Variants in DZIP3 observed in about 807,000 individuals in gnomAD.
DZIP3 encodes DAZ interacting zinc finger protein 3, also known as E3 ubiquitin-protein ligase DZIP3.
A neutral mutation model predicts 162.0 loss-of-function variants in DZIP3; 118 were observed. That is an observed-to-expected ratio of 0.73 (90% confidence interval 0.63 to 0.85). The LOEUF is 0.85. Among genes scored for constraint, DZIP3 ranks in the 40% least tolerant of loss-of-function variants. DZIP3 has a pLI of 0.00. For missense variants in DZIP3, 1,331 were observed against 1,407.0 expected (o/e 0.95, Z 0.86); for synonymous variants, 438 against 458.6 (o/e 0.96, Z 0.57).
At chr3:108,666,031 C>G (rs992179435) in intron 21 of DZIP3, among the ~76,000 whole-genome samples, 6 of 151,874 alleles carry the variant, frequency 4.0e-5, no homozygotes, top group African/African-American at 1.5e-4. Flanking sequence ...GAAAGAAGAC[C>G]ATCAGAATGA....
rs909694765 is a variant in DZIP3 at position 108,689,063 on chromosome 3, A to C, written c.3516+139A>C. On this transcript the variant is annotated intron_variant, in intron 31 of 32. Transcript: ENST00000361582. ...CTCTGAGCTTTTGGGTACCACACAG[A>C]AACATTTATGCTTTTCCCATACATA... 3 of 794,612 alleles carry C rather than the reference A, an allele frequency of 3.8e-6. No individual in the cohort carries two copies. The African/African-American group carries it at 5.2e-5, about 14-fold the overall frequency. 49.2% of individuals were successfully genotyped at this position (794,612 alleles called of 1,614,324 possible).
chr3:108,616,199 G>A lies in DZIP3; in HGVS notation c.259-342G>A, dbSNP rs183187064. 3.5e-3 allele frequency among the ~76,000 whole-genome samples: 535 copies of A among 152,114 alleles called. 3 individuals carry two copies. The highest frequency in any genetic ancestry group is 5.8e-3 in the Non-Finnish European group (393 of 68,012). ...GAATGGTGTGAACACGGGAGGCGGA[G>A]CTTGCAGTGAGCTGAGATTGCGCCA... is the stretch of plus-strand genomic sequence containing the variant. On this transcript the variant is annotated intron_variant, in intron 4 of 32. Transcript: ENST00000361582.
chr3:108,651,532 A>G (rs1343570086), intron 18 of DZIP3, among the ~76,000 whole-genome samples: 3 of 151,640 alleles, frequency 2.0e-5, no homozygotes, highest in African/African-American at 7.2e-5. Context: ...CTAGGTTTGT[A>G]GCCTAGGAGC....
chr3:108,644,369 G>T lies in DZIP3; in HGVS notation c.1347G>T (p.Trp449Cys), dbSNP rs765800447. 1 of 1,614,040 alleles carries T rather than the reference G, an allele frequency of 6.2e-7. No homozygotes were observed. Among genetic ancestry groups the T allele is most frequent in the Non-Finnish European group, 8.5e-7 (1 of 1,179,978 alleles). Residue 449 changes from tryptophan to cysteine, a missense_variant, in exon 14 of 33, where the codon TGG becomes TGT. Trp to Cys is a radical substitution (Grantham distance 215). Transcript: ENST00000361582. Reference sequence around the variant, plus strand: ...CCAATCATCCTTTGGGTGGATCATGGCATCTGCTTTATCCTCCTAACAAGG... The same window carrying T: ...CCAATCATCCTTTGGGTGGATCATGTCATCTGCTTTATCCTCCTAACAAGG... ...LWTNHPLGGS[W>C]HLLYPPNKEL...
chr3:108,669,021 T>G (rs1943808206), intron 21 of DZIP3, among the ~76,000 whole-genome samples: 1 of 151,990 alleles, frequency 6.6e-6, no homozygotes, highest in South Asian at 2.1e-4. Flanking sequence ...ATCTGGTATG[T>G]GAATATATGT....
In DZIP3 at chr3:108,662,195, G is replaced by A; in HGVS notation, c.2361G>A (p.Lys787=). Residue 787 remains lysine, a synonymous_variant, in exon 21 of 33, where the codon AAG becomes AAA. Transcript: ENST00000361582. Reference sequence around the variant, plus strand: ...AAGAAAACCAAATGCAGATTAAAAAGAAAGACAAAATTATCGCATCTCTTA... The same window carrying A: ...AAGAAAACCAAATGCAGATTAAAAAAAAAGACAAAATTATCGCATCTCTTA... ...RWQENQMQIK[K]KDKIIASLNQ... 1 of 1,610,066 alleles carries A rather than the reference G, an allele frequency of 6.2e-7. No homozygotes were observed. Among genetic ancestry groups the A allele is most frequent in the Non-Finnish European group, 8.5e-7 (1 of 1,178,992 alleles).
chr3:108,599,118 A>G (rs1015324107), intron 1 of DZIP3, among the ~76,000 whole-genome samples: 7 of 152,218 alleles, frequency 4.6e-5, no homozygotes, highest in Admixed American at 3.9e-4. Context: ...ATTTGTAACA[A>G]GGGGTGATGA....
chr3:108,670,264 C>T (rs1943878346), intron 22 of DZIP3, among the ~76,000 whole-genome samples: 1 of 151,836 alleles, frequency 6.6e-6, no homozygotes, highest in Admixed American at 6.6e-5. Flanking sequence ...TTTTATCACT[C>T]CAAAAAAGAA....
intron 32 of DZIP3, 124 bp downstream of exon 32, chr3:108,691,027 A>G: frequency 1.4e-6 from 1 of 729,638 alleles, no homozygotes; most frequent in South Asian, 2.0e-5. Flanking sequence ...TCAAAGCAGC[A>G]GCCAAAGAAG....
intron 5 of DZIP3, among the ~76,000 whole-genome samples, chr3:108,618,847 G>A (rs566201256): frequency 2.6e-5 from 4 of 151,988 alleles, no homozygotes; most frequent in African/African-American, 9.7e-5. Flanking sequence ...CAGATCACGA[G>A]GTCAGGAGTT....
chr3:108,640,096 C>T (rs1355917461), intron 12 of DZIP3, among the ~76,000 whole-genome samples: 2 of 152,104 alleles, frequency 1.3e-5, no homozygotes, highest in South Asian at 2.1e-4. Context: ...CAGATATTCA[C>T]TTTTAGTTTA....
At chr3:108,649,802 G>A (rs1286167556) in intron 17 of DZIP3, among the ~76,000 whole-genome samples, 3 of 151,658 alleles carry the variant, frequency 2.0e-5, no homozygotes, top group Non-Finnish European at 3.0e-5. Context: ...AATTCATATC[G>A]AATCTGATAA....
At chr3:108,607,302 CAAAT>C (rs1940436325) in intron 2 of DZIP3, among the ~76,000 whole-genome samples, 1 of 152,106 alleles carries the variant, frequency 6.6e-6, no homozygotes, top group Non-Finnish European at 1.5e-5. Flanking sequence ...GGTTGTCTGT[CAAAT>C]GAATGCATAA....
At chr3:108,609,980 T>C (rs1287448816) in intron 3 of DZIP3, among the ~76,000 whole-genome samples, 1 of 152,236 alleles carries the variant, frequency 6.6e-6, no homozygotes, top group Non-Finnish European at 1.5e-5. Context: ...TTATATGCAC[T>C]ACTGATATTG....
intron 4 of DZIP3, among the ~76,000 whole-genome samples, chr3:108,615,631 T>C (rs530693652): frequency 4.6e-5 from 7 of 152,328 alleles, no homozygotes; most frequent in African/African-American, 1.7e-4. Context: ...TATACATTAT[T>C]AAACAGATTA....
chr3:108,672,641 A>G lies in DZIP3; in HGVS notation c.2574A>G (p.Arg858=), dbSNP rs770373938. The change falls in exon 23 of 33, where the codon AGA becomes AGG. Residue 858 remains arginine (R), a synonymous_variant. Transcript: ENST00000361582. ...GCAAACTGAACGCAGAAACTAGCAGAGCTTTAACAGCCGAGGTAACAACAA... is the reference window on the plus strand; with the variant it reads ...GCAAACTGAACGCAGAAACTAGCAGGGCTTTAACAGCCGAGGTAACAACAA... ...YVSKLNAETS[R]ALTAEVYFLQ... The G allele has an allele frequency of 6.2e-7, 1 of 1,611,744 alleles. No homozygotes were observed. The highest frequency in any genetic ancestry group is 8.5e-7 in the Non-Finnish European group (1 of 1,178,538).
intron 21 of DZIP3, among the ~76,000 whole-genome samples, chr3:108,662,848 C>G (rs1943502505): frequency 6.6e-6 from 1 of 152,152 alleles, no homozygotes; most frequent in African/African-American, 2.4e-5. Flanking sequence ...TGCTTCCAAC[C>G]TGTATTTGTT....
chr3:108,591,650 A>G (rs1226819926), intron 1 of DZIP3, among the ~76,000 whole-genome samples: 1 of 152,236 alleles, frequency 6.6e-6, no homozygotes, highest in Non-Finnish European at 1.5e-5. Flanking sequence ...AGATACTTGC[A>G]TATCCTAATT....
Position 108,669,677 on chromosome 3 carries a change from T to C in DZIP3, c.2424-4T>C, listed in dbSNP as rs754851446. ...TCTTTTGACTTTCTTGCTTGTTTGC[T>C]TAGATTACAGCGTCAAATCCATGCT... is the stretch of plus-strand genomic sequence containing the variant. On this transcript the variant is annotated splice_region_variant and splice_polypyrimidine_tract_variant and intron_variant, in intron 21 of 32. Coordinates refer to ENST00000361582, the MANE Select transcript of DZIP3 (RefSeq NM_014648.4). The C allele has an allele frequency of 8.1e-6, 13 of 1,610,464 alleles. No individual in the cohort carries two copies. The highest frequency in any genetic ancestry group is 1.0e-5 in the Non-Finnish European group (12 of 1,177,954).
Sources: gnomAD v4.1 joint callset for allele counts (sites outside exome capture counted in the v4.1 genomes callset) on GRCh38, gnomAD v4.1.1 for gene constraint, MANE v1.5 for transcripts, NCBI Gene and HGNC (gene_info 2026-07-23, HGNC 2026-07-21) for gene names.